The following PPP2R5E variants were observed in gnomAD, a reference collection of about 807,000 sequenced individuals.
The protein encoded by PPP2R5E is protein phosphatase 2 regulatory subunit B'epsilon, also known as serine/threonine-protein phosphatase 2A 56 kDa regulatory subunit epsilon isoform.
A neutral mutation model predicts 65.3 loss-of-function variants in PPP2R5E; 4 were observed. The ratio of observed to expected loss-of-function variants is 0.06; its 90% CI spans 0.03 to 0.14. The LOEUF (loss-of-function observed/expected upper bound fraction) is 0.14, where lower values mean the gene tolerates loss of function less well. Among genes scored for constraint, PPP2R5E ranks in the 10% least tolerant of loss-of-function variants. The pLI is 1.00. For missense variants in PPP2R5E, 274 were observed against 556.1 expected, an observed-to-expected ratio of 0.49 and a Z score of 5.10; for synonymous variants, 183 against 187.4, an observed-to-expected ratio of 0.98 and a Z score of 0.19.
At chr14:63,402,589 T>C (rs1312348011) in intron 5 of PPP2R5E, among the ~76,000 whole-genome samples, 1 of 152,190 alleles carries the variant, frequency 6.6e-6, no homozygotes, top group Non-Finnish European at 1.5e-5. Context: ...AACAGTGCTA[T>C]TATTCAGGTG....
intron 2 of PPP2R5E, among the ~76,000 whole-genome samples, chr14:63,504,310 G>A (rs550374224): frequency 1.4e-4 from 22 of 152,210 alleles, no homozygotes; most frequent in South Asian, 1.2e-3. Context: ...GGCCAGGCAC[G>A]GTGGCTCACA....
intron 3 of PPP2R5E, among the ~76,000 whole-genome samples, chr14:63,422,550 C>T (rs1410896745): frequency 1.3e-5 from 2 of 151,952 alleles, no homozygotes; most frequent in Non-Finnish European, 2.9e-5. Context: ...CACAGTGAAA[C>T]CCCGTCGCTA....
intron 1 of PPP2R5E, among the ~76,000 whole-genome samples, chr14:63,542,574 G>A (rs766398865): frequency 1.3e-5 from 2 of 152,154 alleles, no homozygotes; most frequent in African/African-American, 2.4e-5. Context: ...GGGGGAGGGG[G>A]CAGAGTGAAT....
At chr14:63,383,095 A>C (rs1884463609) in intron 12 of PPP2R5E, among the ~76,000 whole-genome samples, 1 of 152,186 alleles carries the variant, frequency 6.6e-6, no homozygotes, top group Non-Finnish European at 1.5e-5. Context: ...GCTATGGGAC[A>C]CTATACAGCT....
chr14:63,538,273 T>C (rs7141783), intron 2 of PPP2R5E, among the ~76,000 whole-genome samples: 1,846 of 123,480 alleles, frequency 0.015, 36 homozygotes, highest in African/African-American at 0.063. Flanking sequence ...TTTTTTTTTT[T>C]CCCCCGAGAC....
intron 2 of PPP2R5E, among the ~76,000 whole-genome samples, chr14:63,536,514 C>T (rs1432902017): frequency 1.3e-5 from 2 of 152,146 alleles, no homozygotes; most frequent in Admixed American, 6.5e-5. Context: ...AGCAATTACA[C>T]GTCTGGGTAC....
At chr14:63,533,258 A>G (rs2139763056) in intron 2 of PPP2R5E, among the ~76,000 whole-genome samples, 1 of 151,374 alleles carries the variant, frequency 6.6e-6, no homozygotes, top group East Asian at 2.0e-4. Context: ...GAAAAAGGCA[A>G]TCATTAAAAA....
In PPP2R5E at chr14:63,374,696, T is replaced by G. The variant is rs1242872644; in HGVS notation, c.*1313A>C. On this transcript the variant is annotated 3_prime_UTR_variant, in exon 14 of 14. Coordinates refer to ENST00000337537, the MANE Select transcript of PPP2R5E (RefSeq NM_006246.5). ...AATACAGCCCTAGATTTTGTTTTTT[T>G]TGTTTTTTTTTCTTAAACAATTTGG... is the stretch of plus-strand genomic sequence containing the variant. 3 of 142,880 alleles carry G rather than the reference T, an allele frequency of 2.1e-5. No individual in the cohort carries two copies. The East Asian group carries it at 5.8e-4, about 28-fold the overall frequency. The allele number at this position is 142,880 out of a possible 1,614,324, so 8.9% of individuals were successfully genotyped here. A position where few individuals can be genotyped will look rare whatever the true frequency, so the allele number is the denominator to read the frequency against.
chr14:63,407,392 A>T (rs552343338), intron 5 of PPP2R5E, among the ~76,000 whole-genome samples: 2 of 152,338 alleles, frequency 1.3e-5, no homozygotes, highest in Admixed American at 1.3e-4. Context: ...GGAAGCAACG[A>T]ATACTGGGCA....
chr14:63,535,496 T>C (rs1037183965), intron 2 of PPP2R5E, among the ~76,000 whole-genome samples: 1 of 152,174 alleles, frequency 6.6e-6, no homozygotes, highest in Non-Finnish European at 1.5e-5. Flanking sequence ...GAACAGACTT[T>C]AAAACGCTAA....
intron 13 of PPP2R5E, among the ~76,000 whole-genome samples, chr14:63,376,328 T>C (rs147388284): frequency 1.2e-3 from 186 of 152,332 alleles, no homozygotes; most frequent in African/African-American, 4.3e-3. Flanking sequence ...TTAGTAAGAA[T>C]CTTAATTTTT....
intron 2 of PPP2R5E, among the ~76,000 whole-genome samples, chr14:63,469,894 T>C: frequency 6.6e-6 from 1 of 152,320 alleles, no homozygotes; most frequent in South Asian, 2.1e-4. Flanking sequence ...TATTCAGTTT[T>C]ATTATTCTGG....
At chr14:63,519,606 G>A (rs1191562043) in intron 2 of PPP2R5E, among the ~76,000 whole-genome samples, 4 of 148,880 alleles carry the variant, frequency 2.7e-5, no homozygotes, top group Admixed American at 6.7e-5. Context: ...TACCCACCTC[G>A]GCCTCTCAAA....
intron 12 of PPP2R5E, 151 bp downstream of exon 12, chr14:63,384,293 T>A (rs1166098460): frequency 1.1e-6 from 1 of 883,784 alleles, no homozygotes; most frequent in Non-Finnish European, 1.8e-6. Flanking sequence ...TCTGTTTATT[T>A]TCTCCAGTCA....
At chr14:63,418,832 AT>A (rs941318417) in intron 4 of PPP2R5E, among the ~76,000 whole-genome samples, 13 of 137,340 alleles carry the variant, frequency 9.5e-5, no homozygotes, top group African/African-American at 3.6e-4. Flanking sequence ...ATAATCAGTA[AT>A]TTTTTTACTT....
chr14:63,526,335 T>A (rs993447830), intron 2 of PPP2R5E, among the ~76,000 whole-genome samples: 1 of 152,218 alleles, frequency 6.6e-6, no homozygotes, highest in Non-Finnish European at 1.5e-5. Context: ...TAGAACTCTA[T>A]ATCTTATTTT....
At chr14:63,393,352 A>G (rs1885132752) in intron 8 of PPP2R5E, among the ~76,000 whole-genome samples, 2 of 152,200 alleles carry the variant, frequency 1.3e-5, no homozygotes, top group African/African-American at 4.8e-5. Flanking sequence ...CATAGAAAAA[A>G]AATGCATACA....
In PPP2R5E at chr14:63,507,455, T is replaced by C. The variant is rs180745050; in HGVS notation, c.157+32074A>G. Among the ~76,000 whole-genome samples the C allele has an allele frequency of 8.5e-3, 1,274 of 149,850 alleles. 9 individuals carry two copies. The highest frequency in any genetic ancestry group is 0.013 in the Non-Finnish European group (875 of 67,712). On this transcript the variant is annotated intron_variant, in intron 2 of 13. Coordinates refer to ENST00000337537, the MANE Select transcript of PPP2R5E (RefSeq NM_006246.5). ...TCTCCCTTGGTACGATTAACTTTAC[T>C]AAAAATACCAGCGTTTAGAACGAAA...
At chr14:63,462,559 C>T (rs573369117) in intron 2 of PPP2R5E, among the ~76,000 whole-genome samples, 3 of 152,146 alleles carry the variant, frequency 2.0e-5, no homozygotes, top group Non-Finnish European at 2.9e-5. Context: ...CTGCCTTGCA[C>T]GTTTTAATAA....
Sources: allele counts gnomAD v4.1 joint callset (sites outside exome capture counted in the v4.1 genomes callset), GRCh38; gene constraint gnomAD v4.1.1; transcripts MANE v1.5; gene names NCBI Gene and HGNC (gene_info 2026-07-23, HGNC 2026-07-21).